CHN2: variants seen among roughly 807,000 people sequenced by gnomAD.
CHN2 encodes beta-chimaerin.
Under a neutral mutation model 56.3 loss-of-function variants are expected in CHN2, and 35 were observed. The observed-to-expected ratio is 0.62, with a 90% CI of 0.47 to 0.82. The LOEUF (loss-of-function observed/expected upper bound fraction) is 0.82, where lower values mean the gene tolerates loss of function less well. Among genes scored for constraint, CHN2 ranks in the 40% least tolerant of loss-of-function variants. The pLI, the probability that CHN2 is intolerant of heterozygous loss-of-function variation, is 0.00. For synonymous variants in CHN2, 210 were observed against 212.8 expected (o/e 0.99, Z 0.12); for missense variants, 491 against 580.5 (o/e 0.85, Z 1.58).
At chr7:29,392,862 A>G (rs547038832) in intron 3 of CHN2, among the ~76,000 whole-genome samples, 3 of 152,344 alleles carry the variant, frequency 2.0e-5, no homozygotes, top group African/African-American at 7.2e-5. Context: ...TGTCATACAT[A>G]GAACCATTCA....
At chr7:29,416,058 G>A (rs1038205755) in intron 6 of CHN2, among the ~76,000 whole-genome samples, 1 of 152,200 alleles carries the variant, frequency 6.6e-6, no homozygotes, top group Non-Finnish European at 1.5e-5. Context: ...GCCCCACAGA[G>A]CTGCGTTAAC....
At chr7:29,352,190 C>T (rs566274731) in intron 1 of CHN2, among the ~76,000 whole-genome samples, 51 of 152,198 alleles carry the variant, frequency 3.4e-4, no homozygotes, top group African/African-American at 1.2e-3. Context: ...AGACCTTCCC[C>T]GAGTATATAG....
chr7:29,400,640 G>A lies in CHN2; in HGVS notation c.388G>A (p.Gly130Ser). 1.2e-6 allele frequency: 2 copies of A among 1,614,140 alleles called. No individual in the cohort carries two copies. The highest frequency in any genetic ancestry group is 1.7e-6 in the Non-Finnish European group (2 of 1,180,002). ...GTCGATTCATGATCTGGTGACAGATGGCTTGATAACACTGTACATAGAAAC... is the reference window on the plus strand; with the variant it reads ...GTCGATTCATGATCTGGTGACAGATAGCTTGATAACACTGTACATAGAAAC... ...FESIHDLVTD[G>S]LITLYIETKA... Residue 130 changes from glycine to serine, a missense_variant, in exon 6 of 13, where the codon GGC (glycine) becomes AGC (serine). Transcript: ENST00000222792.
chr7:29,398,425 G>C lies in CHN2; in HGVS notation c.229G>C (p.Glu77Gln). The C allele has an allele frequency of 6.2e-7, 1 of 1,613,764 alleles. No individual in the cohort carries two copies. The highest frequency in any genetic ancestry group is 8.5e-7 in the Non-Finnish European group (1 of 1,180,032). ...GGCGGATGAGCTTCTTGGAGGCGTG[G>C]AGGGTGCCTACATCCTTAGAGAAAG... ...EQADELLGGV[E>Q]GAYILRESQR... The change falls in exon 5 of 13, where the codon GAG (glutamate) becomes CAG (glutamine). Residue 77 changes from glutamate (E) to glutamine (Q), a missense_variant. Physicochemically the swap from Glu to Gln is conservative, Grantham distance 29 (BLOSUM62 2). Coordinates refer to ENST00000222792, the MANE Select transcript of CHN2 (RefSeq NM_004067.4).
At chr7:29,252,586 T>TTTTTTTTTTGTTTTG (rs1788688929) in intron 1 of CHN2, among the ~76,000 whole-genome samples, 5 of 28,906 alleles carry the variant, frequency 1.7e-4, no homozygotes, top group East Asian at 8.7e-4. Flanking sequence ...TTGTTTTTTT[T>TTTTTTTTTTGTTTTG]TTTTTTTTTT....
chr7:29,255,971 G>A (rs1789045005), intron 1 of CHN2, among the ~76,000 whole-genome samples: 1 of 152,206 alleles, frequency 6.6e-6, no homozygotes, highest in African/African-American at 2.4e-5. Flanking sequence ...TCTTCCAAAT[G>A]TAACTTAATC....
chr7:29,441,787 T>C (rs1290201178), intron 6 of CHN2, among the ~76,000 whole-genome samples: 12 of 152,208 alleles, frequency 7.9e-5, no homozygotes, highest in Non-Finnish European at 1.0e-4. Flanking sequence ...AAAATAAGTA[T>C]TGGTGAGGAT....
At chr7:29,297,153 C>T (rs908767143) in intron 1 of CHN2, among the ~76,000 whole-genome samples, 3 of 152,172 alleles carry the variant, frequency 2.0e-5, no homozygotes, top group Non-Finnish European at 4.4e-5. Context: ...GGACCCTCAG[C>T]GGAGCAAGAC....
intron 7 of CHN2, among the ~76,000 whole-genome samples, chr7:29,482,436 C>G (rs1011772520): frequency 2.0e-5 from 3 of 152,144 alleles, no homozygotes; most frequent in African/African-American, 7.2e-5. Flanking sequence ...CCGCAACTAA[C>G]TCTAGGTGGA....
intron 1 of CHN2, among the ~76,000 whole-genome samples, chr7:29,333,692 G>A (rs1158934014): frequency 6.6e-6 from 1 of 152,134 alleles, no homozygotes; most frequent in Non-Finnish European, 1.5e-5. Flanking sequence ...TACCACTAGC[G>A]CTTTCCTGGC....
intron 2 of CHN2, among the ~76,000 whole-genome samples, chr7:29,166,998 A>G (rs1439075021): frequency 1.3e-5 from 2 of 152,044 alleles, no homozygotes; most frequent in African/African-American, 4.8e-5. Context: ...TTTTGCATGC[A>G]TAGAGTACAT....
intron 5 of CHN2, among the ~76,000 whole-genome samples, chr7:29,399,583 A>G (rs1802037214): frequency 6.6e-6 from 1 of 152,102 alleles, no homozygotes; most frequent in Non-Finnish European, 1.5e-5. Context: ...CCAATTTCAG[A>G]ACTGAATTGT....
intron 6 of CHN2, among the ~76,000 whole-genome samples, chr7:29,405,704 G>C (rs140214347): frequency 5.5e-4 from 83 of 152,286 alleles, no homozygotes; most frequent in African/African-American, 1.9e-3. Flanking sequence ...CTTTACAGAT[G>C]AACTGTTTCA....
In CHN2 at chr7:29,163,457, C is replaced by T. The variant is rs140529688; in HGVS notation, c.274+16497C>T. ...TCATATTATATTTCTATTTCCTGCT[C>T]TAAGCAAAGAATATGGTACCCTGAA... On this transcript the variant is annotated intron_variant, in intron 2 of 6. Transcript: ENST00000439384. Among the ~76,000 whole-genome samples the T allele has an allele frequency of 2.5e-3, 383 of 152,150 alleles. 1 individual carries two copies. The highest frequency in any genetic ancestry group is 8.8e-3 in the African/African-American group (364 of 41,514).
intron 6 of CHN2, among the ~76,000 whole-genome samples, chr7:29,473,478 T>TG (rs1554299007): frequency 4.5e-4 from 50 of 111,542 alleles, no homozygotes; most frequent in African/African-American, 1.5e-3. Context: ...GTGTTTTTTT[T>TG]TTTTTGTGTG....
intron 6 of CHN2, among the ~76,000 whole-genome samples, chr7:29,424,280 G>A (rs1804628883): frequency 6.6e-6 from 1 of 152,144 alleles, no homozygotes; most frequent in Admixed American, 6.5e-5. Flanking sequence ...TTCCATTTAT[G>A]GGTTTGTTCA....
chr7:29,344,851 G>A (rs1797308328), intron 1 of CHN2, among the ~76,000 whole-genome samples: 1 of 152,146 alleles, frequency 6.6e-6, no homozygotes, highest in Admixed American at 6.5e-5. Context: ...GCCTTCCAAA[G>A]GCTGAGGAGT....
chr7:29,370,768 C>G (rs1296239698), intron 3 of CHN2, among the ~76,000 whole-genome samples: 1 of 152,148 alleles, frequency 6.6e-6, no homozygotes, highest in Non-Finnish European at 1.5e-5. Flanking sequence ...GTAGGCCAGT[C>G]TGCCTTGATA....
At chr7:29,334,973 T>C (rs1394141787) in intron 1 of CHN2, among the ~76,000 whole-genome samples, 3 of 152,240 alleles carry the variant, frequency 2.0e-5, no homozygotes, top group Admixed American at 2.0e-4. Context: ...AATGATTCAT[T>C]TCCTAAGTGT....
Sources: gnomAD v4.1 joint callset for allele counts (sites outside exome capture counted in the v4.1 genomes callset) on GRCh38, gnomAD v4.1.1 for gene constraint, MANE v1.5 for transcripts, NCBI Gene and HGNC (gene_info 2026-07-23, HGNC 2026-07-21) for gene names.